SNRPN: variants seen among roughly 807,000 people sequenced by gnomAD.
SNRPN encodes the protein small nuclear ribonucleoprotein-associated protein N.
In SNRPN, 7 loss-of-function variants were observed where a neutral mutation model predicts 25.2. That is an observed-to-expected ratio of 0.28 (90% CI 0.16 to 0.52). The LOEUF (loss-of-function observed/expected upper bound fraction) is 0.52, where lower values mean the gene tolerates loss of function less well. SNRPN is among the 20% of genes least tolerant of loss of function. The probability of loss-of-function intolerance (pLI) is 0.96; values close to 1 mark genes in which losing one functional copy is unlikely to be tolerated. For missense variants in SNRPN, 196 were observed against 322.5 expected, an observed-to-expected ratio of 0.61 and a Z score of 3.00; for synonymous variants, 124 against 110.6, an observed-to-expected ratio of 1.12 and a Z score of -0.76.
At chr15:24,913,557 C>T (rs866602922) in intron 2 of SNRPN, among the ~76,000 whole-genome samples, 3 of 152,196 alleles carry the variant, frequency 2.0e-5, no homozygotes, top group African/African-American at 4.8e-5. Flanking sequence ...GCTGGAGAAT[C>T]GCTTAAACCT....
intron 2 of SNRPN, among the ~76,000 whole-genome samples, chr15:24,887,258 C>G (rs2057278963): frequency 6.6e-6 from 1 of 151,782 alleles, no homozygotes; most frequent in African/African-American, 2.4e-5. Flanking sequence ...AGCGATTCTC[C>G]TGCCTCAGGC....
intron 3 of SNRPN, among the ~76,000 whole-genome samples, chr15:24,924,649 C>A (rs924021150): frequency 1.4e-5 from 2 of 145,426 alleles, no homozygotes; most frequent in African/African-American, 5.0e-5. Context: ...TGCCCGGCTA[C>A]TTTTTTTTTT....
chr15:24,977,501 G>T (rs1429748428), intron 7 of SNRPN, among the ~76,000 whole-genome samples: 5 of 152,080 alleles, frequency 3.3e-5, no homozygotes, highest in Admixed American at 1.3e-4. Flanking sequence ...TCAGCTGTGT[G>T]TGGTGGTGGG....
intron 1 of SNRPN, among the ~76,000 whole-genome samples, chr15:24,881,981 C>T (rs1170141868): frequency 6.6e-6 from 1 of 152,120 alleles, no homozygotes; most frequent in Non-Finnish European, 1.5e-5. Flanking sequence ...CAACTGACAG[C>T]CTTCTCCTCA....
intron 2 of SNRPN, among the ~76,000 whole-genome samples, chr15:24,907,915 T>G (rs1023297911): frequency 6.6e-6 from 1 of 151,820 alleles, no homozygotes; most frequent in Admixed American, 6.6e-5. Flanking sequence ...TAGCTGGGCA[T>G]GGTGGTGGGC....
chr15:24,866,056 T>C (rs1359766076), intron 1 of SNRPN, among the ~76,000 whole-genome samples: 4 of 152,190 alleles, frequency 2.6e-5, no homozygotes, highest in African/African-American at 9.7e-5. Flanking sequence ...TGCTACATGT[T>C]AGAATTATTA....
At chr15:24,833,709 G>A (rs1464504141) in intron 2 of SNRPN, among the ~76,000 whole-genome samples, 8 of 100,004 alleles carry the variant, frequency 8.0e-5, no homozygotes, top group Admixed American at 3.3e-4. Flanking sequence ...AGACCCAGGA[G>A]GCAGGAAGCA....
intron 2 of SNRPN, among the ~76,000 whole-genome samples, chr15:24,847,276 C>T (rs1381955783): frequency 6.6e-6 from 1 of 151,710 alleles, no homozygotes; most frequent in Non-Finnish European, 1.5e-5. Context: ...TAACAAGAGG[C>T]GGGAAAAAAA....
At chr15:24,899,675 T>G (rs865796175) in intron 2 of SNRPN, among the ~76,000 whole-genome samples, 2 of 152,306 alleles carry the variant, frequency 1.3e-5, no homozygotes, top group Middle Eastern at 6.8e-3. Context: ...GTGTAGTGCT[T>G]CCAATAATAT....
chr15:24,873,642 T>A (rs888323245), intron 1 of SNRPN, among the ~76,000 whole-genome samples: 2 of 151,808 alleles, frequency 1.3e-5, no homozygotes, highest in Non-Finnish European at 2.9e-5. Context: ...AGAGACGGGG[T>A]TTCACCGTGT....
At chr15:24,864,477 G>C (rs565579168) in intron 1 of SNRPN, among the ~76,000 whole-genome samples, 3 of 150,222 alleles carry the variant, frequency 2.0e-5, no homozygotes, top group African/African-American at 4.9e-5. Flanking sequence ...CCTAGTAGCT[G>C]GGATTACAGG....
intron 2 of SNRPN, chr15:24,850,955 T>G (rs537550358): frequency 6.6e-6 from 1 of 152,254 alleles, no homozygotes; most frequent in South Asian, 2.1e-4. Flanking sequence ...GGGTCTTATT[T>G]TGTTGCCCAG....
chr15:24,911,558 GC>G (rs2059218687), intron 2 of SNRPN, among the ~76,000 whole-genome samples: 1 of 152,156 alleles, frequency 6.6e-6, no homozygotes, highest in East Asian at 1.9e-4. Context: ...GTTCAGGTGG[GC>G]CCAGGTACAG....
At chr15:24,957,608 C>A (rs2063141631) in intron 1 of SNRPN, among the ~76,000 whole-genome samples, 1 of 152,146 alleles carries the variant, frequency 6.6e-6, no homozygotes, top group South Asian at 2.1e-4. Flanking sequence ...TGTCTGGTTG[C>A]ACTGAGTTGT....
intron 2 of SNRPN, among the ~76,000 whole-genome samples, chr15:24,834,186 AGTGC>A (rs2050807011): frequency 6.6e-6 from 1 of 152,102 alleles, no homozygotes; most frequent in Non-Finnish European, 1.5e-5. Flanking sequence ...GGCCTCCCAA[AGTGC>A]TGGGATTACA....
chr15:24,835,778 GA>G (rs2051122097), intron 2 of SNRPN, among the ~76,000 whole-genome samples: 1 of 152,114 alleles, frequency 6.6e-6, no homozygotes, highest in African/African-American at 2.4e-5. Context: ...TACTAATCCA[GA>G]GAGAAAGTAT....
rs186134484 is a variant in SNRPN, at chr15:24,829,633, A to G, written c.-686-165A>G. Among the ~76,000 whole-genome samples the G allele has an allele frequency of 2.0e-5, 3 of 152,132 alleles. No individual in the cohort carries two copies. In the East Asian group the frequency reaches 5.8e-4, roughly 29 times the overall value. On this transcript the variant is annotated intron_variant, in intron 1 of 12. Coordinates refer to the SNRPN transcript ENST00000400100. ...TGTCTCAGTTCTTTTATGAAATGTTATCCCCAATCCATGAGGTCTTCTGAT... is the reference window on the plus strand; with the variant it reads ...TGTCTCAGTTCTTTTATGAAATGTTGTCCCCAATCCATGAGGTCTTCTGAT...
chr15:24,963,734 C>G (rs548890335), intron 2 of SNRPN, among the ~76,000 whole-genome samples: 2 of 151,362 alleles, frequency 1.3e-5, no homozygotes, highest in Non-Finnish European at 2.9e-5. Context: ...TTGTTATTTC[C>G]TCATTTTATA....
chr15:24,878,212 G>A (rs1413169760), intron 1 of SNRPN, among the ~76,000 whole-genome samples: 1 of 152,210 alleles, frequency 6.6e-6, no homozygotes, highest in Non-Finnish European at 1.5e-5. Flanking sequence ...GAGCTCTGGC[G>A]TATTCGCTCA....
Sources: gnomAD v4.1 joint callset for allele counts (sites outside exome capture counted in the v4.1 genomes callset) on GRCh38, gnomAD v4.1.1 for gene constraint, MANE v1.5 for transcripts, NCBI Gene and HGNC (gene_info 2026-07-23, HGNC 2026-07-21) for gene names.